Variants in CDK5RAP2 observed in about 807,000 individuals in gnomAD.
CDK5RAP2 encodes the protein CDK5 regulatory subunit associated protein 2, also known as CDK5 regulatory subunit-associated protein 2.
In CDK5RAP2, 147 loss-of-function variants were observed where a neutral mutation model predicts 232.9. That is an observed-to-expected ratio of 0.63 (90% CI 0.55 to 0.72). CDK5RAP2 has a LOEUF of 0.72. Among genes scored for constraint, CDK5RAP2 ranks in the 30% least tolerant of loss-of-function variants. The pLI is 0.00. For missense variants in CDK5RAP2, 2,195 were observed against 2,231.5 expected, an observed-to-expected ratio of 0.98 and a Z score of 0.33; for synonymous variants, 833 against 833.7, an observed-to-expected ratio of 1.00 and a Z score of 0.01.
chr9:120,401,157 C>A, intron 34 of CDK5RAP2: 1 of 456,696 alleles, frequency 2.2e-6, no homozygotes, highest in Non-Finnish European at 4.0e-6. Flanking sequence ...AGTTACTACT[C>A]CAAGTAAAGG....
rs1039000942 is a variant in CDK5RAP2 at position 120,477,597 on chromosome 9, A to G, written c.1627-147T>C. The G allele has an allele frequency of 2.4e-5, 17 of 697,240 alleles. No individual in the cohort carries two copies. In the Admixed American group the frequency reaches 3.5e-4, roughly 14 times the overall value. 43.2% of individuals were successfully genotyped at this position (697,240 alleles called of 1,614,324 possible). On this transcript the variant is annotated intron_variant, in intron 14 of 37. Transcript: ENST00000349780. ...TGTGCCTGGCTCTGGCTCAGGCCAC[A>G]GTCAGAGAGCACCACCTTCAGGAGG...
rs2041399094 is a variant in CDK5RAP2 at position 120,536,574 on chromosome 9, G to A, written c.508-48C>T. On this transcript the variant is annotated intron_variant, in intron 6 of 37. Coordinates refer to ENST00000349780, the MANE Select transcript of CDK5RAP2 (RefSeq NM_018249.6). ...TGATGCAATTTTTCAATACAATTGG[G>A]AACATTTTGAAAGGAAATTGGATTA... The A allele has an allele frequency of 1.7e-5, 27 of 1,555,550 alleles. 1 individual carries two copies. Among genetic ancestry groups the A allele is most frequent in the Non-Finnish European group, 2.4e-5 (27 of 1,132,820 alleles).
chr9:120,540,324 T>C lies in CDK5RAP2; in HGVS notation c.384-1160A>G, dbSNP rs147704961. Among the ~76,000 whole-genome samples, 6 of 152,304 alleles carry C rather than the reference T, an allele frequency of 3.9e-5. 1 individual carries two copies. The highest frequency in any genetic ancestry group is 1.4e-4 in the African/African-American group (6 of 41,576). The stretch of plus-strand genomic sequence containing the variant: ...CCTAAGGCTGGTTTCTCAGAAAAAC[T>C]GCAACAGAACAAATCTATTCACCAC... On this transcript the variant is annotated intron_variant, in intron 5 of 37. Transcript: ENST00000349780.
chr9:120,542,066 G>A (rs1404634292), intron 5 of CDK5RAP2, among the ~76,000 whole-genome samples: 1 of 152,152 alleles, frequency 6.6e-6, no homozygotes, highest in Non-Finnish European at 1.5e-5. Context: ...TTTTCCTGTG[G>A]CAGATGTCAT....
At chr9:120,490,860 T>C (rs1231338609) in intron 13 of CDK5RAP2, among the ~76,000 whole-genome samples, 1 of 152,192 alleles carries the variant, frequency 6.6e-6, no homozygotes, top group African/African-American at 2.4e-5. Context: ...GTTTACTCCA[T>C]CATGGTTATC....
At chr9:120,515,052 G>A (rs1015457623) in intron 12 of CDK5RAP2, among the ~76,000 whole-genome samples, 5 of 151,758 alleles carry the variant, frequency 3.3e-5, no homozygotes, top group African/African-American at 1.2e-4. Flanking sequence ...ATATATTATC[G>A]AGAGAGACAG....
intron 11 of CDK5RAP2, among the ~76,000 whole-genome samples, chr9:120,519,112 T>G (rs547790772): frequency 2.0e-5 from 3 of 150,710 alleles, no homozygotes; most frequent in Non-Finnish European, 4.4e-5. Context: ...AGGCGGAGGT[T>G]GCAGTGAGCC....
intron 4 of CDK5RAP2, among the ~76,000 whole-genome samples, chr9:120,548,108 A>G (rs915042671): frequency 2.6e-5 from 4 of 152,214 alleles, no homozygotes; most frequent in Non-Finnish European, 5.9e-5. Flanking sequence ...TATCTTCTTC[A>G]CTGTCAAACA....
chr9:120,446,977 G>A (rs531441081), intron 22 of CDK5RAP2, among the ~76,000 whole-genome samples: 1 of 151,104 alleles, frequency 6.6e-6, no homozygotes, highest in Non-Finnish European at 1.5e-5. Context: ...TTCTGTCTTC[G>A]CCCCGACCCT....
intron 14 of CDK5RAP2, among the ~76,000 whole-genome samples, chr9:120,481,607 G>A (rs753028090): frequency 6.7e-6 from 1 of 150,208 alleles, no homozygotes; most frequent in Non-Finnish European, 1.5e-5. Flanking sequence ...CCACCTCCCA[G>A]GTTCAAGCAA....
chr9:120,459,563 GA>G (rs948605656), intron 19 of CDK5RAP2, among the ~76,000 whole-genome samples: 3 of 152,136 alleles, frequency 2.0e-5, no homozygotes, highest in African/African-American at 7.2e-5. Flanking sequence ...TCCAAAGAAG[GA>G]AATGTCTAGA....
intron 7 of CDK5RAP2, among the ~76,000 whole-genome samples, chr9:120,533,457 C>T (rs754901788): frequency 3.3e-5 from 5 of 152,022 alleles, no homozygotes; most frequent in Non-Finnish European, 5.9e-5. Context: ...TTCCTTTTCC[C>T]CCAACAAAAT....
intron 12 of CDK5RAP2, among the ~76,000 whole-genome samples, chr9:120,496,346 C>T (rs1318242875): frequency 1.7e-4 from 25 of 144,460 alleles, no homozygotes; most frequent in African/African-American, 4.2e-4. Flanking sequence ...GGTCAGCCCC[C>T]CGCCCGGCCA....
intron 7 of CDK5RAP2, among the ~76,000 whole-genome samples, chr9:120,535,534 C>T (rs779944582): frequency 4.1e-4 from 62 of 152,352 alleles, no homozygotes; most frequent in Non-Finnish European, 6.3e-4. Flanking sequence ...CTATCAAATT[C>T]CAAACAAGCT....
chr9:120,572,325 G>A (rs1326406056), intron 1 of CDK5RAP2, among the ~76,000 whole-genome samples: 1 of 152,190 alleles, frequency 6.6e-6, no homozygotes, highest in Non-Finnish European at 1.5e-5. Flanking sequence ...ACTGTGACAA[G>A]TACAAGATAC....
chr9:120,491,613 A>G, intron 12 of CDK5RAP2, 136 bp from the exon 13 acceptor site: 1 of 609,050 alleles, frequency 1.6e-6, no homozygotes, highest in East Asian at 2.8e-5. Context: ...GTATATTTAA[A>G]TCCTTCTCAC....
chr9:120,486,661 A>G (rs1040411086), intron 14 of CDK5RAP2, among the ~76,000 whole-genome samples: 5 of 152,142 alleles, frequency 3.3e-5, no homozygotes, highest in Non-Finnish European at 7.3e-5. Context: ...AGTAAGTGCC[A>G]TGATAGAGGG....
At chr9:120,479,968 C>G (rs1383009270) in intron 14 of CDK5RAP2, among the ~76,000 whole-genome samples, 1 of 152,112 alleles carries the variant, frequency 6.6e-6, no homozygotes, top group Non-Finnish European at 1.5e-5. Context: ...TCAGAGGGGA[C>G]AAGGCTTCAC....
At chr9:120,421,841 C>T (rs1013825800) in intron 26 of CDK5RAP2, among the ~76,000 whole-genome samples, 3 of 152,242 alleles carry the variant, frequency 2.0e-5, no homozygotes, top group African/African-American at 4.8e-5. Context: ...AGAGGACATG[C>T]ATTGGATGGA....
Sources: gnomAD v4.1 joint callset for allele counts (sites outside exome capture counted in the v4.1 genomes callset) on GRCh38, gnomAD v4.1.1 for gene constraint, MANE v1.5 for transcripts, NCBI Gene and HGNC (gene_info 2026-07-23, HGNC 2026-07-21) for gene names.